Variants in SPRED1 observed in about 807,000 individuals in gnomAD.
SPRED1 encodes sprouty-related, EVH1 domain-containing protein 1.
A neutral mutation model predicts 52.3 loss-of-function variants in SPRED1; 18 were observed. That is an observed-to-expected ratio of 0.34 (90% CI 0.24 to 0.51). SPRED1 has a LOEUF of 0.51. Ranked by LOEUF, SPRED1 falls within the 20% of genes least tolerant of loss-of-function variation. The pLI is 0.97. For synonymous variants in SPRED1, 155 were observed against 179.7 expected (o/e 0.86, Z 1.10); for missense variants, 485 against 551.0 (o/e 0.88, Z 1.20).
chr15:38,330,741 GT>G (rs1276515086), intron 4 of SPRED1, among the ~76,000 whole-genome samples: 1 of 152,028 alleles, frequency 6.6e-6, no homozygotes, highest in Non-Finnish European at 1.5e-5. Context: ...TATTTTAGTA[GT>G]ATATGAGCCA....
chr15:38,267,452 A>G (rs1263306673), intron 1 of SPRED1, among the ~76,000 whole-genome samples: 3 of 152,208 alleles, frequency 2.0e-5, no homozygotes, highest in African/African-American at 7.2e-5. Flanking sequence ...GTGGTTTTTT[A>G]AAATTCTTAA....
intron 1 of SPRED1, among the ~76,000 whole-genome samples, chr15:38,266,876 C>A (rs1285253941): frequency 1.3e-5 from 2 of 152,034 alleles, no homozygotes; most frequent in Non-Finnish European, 2.9e-5. Flanking sequence ...ATAGACTCTA[C>A]TGCTTTTGAG....
At position 38,355,231 on chromosome 15, in the gene SPRED1, C is replaced by G. The variant is rs1888590715; in HGVS notation, c.*3567C>G. 2 of 152,398 alleles carry G rather than the reference C, an allele frequency of 1.3e-5. No individual in the cohort carries two copies. Among genetic ancestry groups the G allele is most frequent in the Admixed American group, 1.3e-4 (2 of 15,286 alleles). The allele number at this position is 152,398 out of a possible 1,614,324, so 9.4% of individuals were successfully genotyped here. A position where few individuals can be genotyped will look rare whatever the true frequency, so the allele number is the denominator to read the frequency against. On this transcript the variant is annotated 3_prime_UTR_variant, in exon 7 of 7. Coordinates refer to ENST00000299084, the MANE Select transcript of SPRED1 (RefSeq NM_152594.3). ...TCGGCCTCCCAAAGTGCTGGGATTA[C>G]AGGCATGAGCTACTGCGCCCAGCCG...
intron 1 of SPRED1, among the ~76,000 whole-genome samples, chr15:38,258,006 G>A (rs927478846): frequency 2.6e-5 from 4 of 152,172 alleles, no homozygotes; most frequent in Admixed American, 6.5e-5. Flanking sequence ...CTTTCAGTAG[G>A]AACAGGAACG....
At chr15:38,294,728 T>A (rs984128756) in intron 1 of SPRED1, among the ~76,000 whole-genome samples, 1 of 152,160 alleles carries the variant, frequency 6.6e-6, no homozygotes, top group African/African-American at 2.4e-5. Context: ...GTATCCAAAT[T>A]TAGGAAACTG....
At chr15:38,255,045 A>T (rs1295879418) in intron 1 of SPRED1, among the ~76,000 whole-genome samples, 4 of 152,212 alleles carry the variant, frequency 2.6e-5, no homozygotes, top group East Asian at 3.8e-4. Context: ...TGCAGCTAAT[A>T]AAAAAAGCAG....
At chr15:38,320,755 TTAAAA>T (rs1315493986) in intron 2 of SPRED1, among the ~76,000 whole-genome samples, 1 of 152,212 alleles carries the variant, frequency 6.6e-6, no homozygotes, top group East Asian at 1.9e-4. Context: ...TAGGGGATTC[TTAAAA>T]TAATTAAGGT....
At chr15:38,289,289 T>C (rs909131363) in intron 1 of SPRED1, among the ~76,000 whole-genome samples, 10 of 152,336 alleles carry the variant, frequency 6.6e-5, no homozygotes, top group Middle Eastern at 3.4e-3. Flanking sequence ...AATTACTTTT[T>C]CTGTATTTCA....
At position 38,353,634 on chromosome 15, in the gene SPRED1, A is replaced by T. The variant is rs964492959; in HGVS notation, c.*1970A>T. The T allele has an allele frequency of 1.3e-5, 2 of 152,594 alleles. No homozygotes were observed. The highest frequency in any genetic ancestry group is 4.8e-5 in the African/African-American group (2 of 41,470). 9.5% of individuals were successfully genotyped at this position (152,594 alleles called of 1,614,324 possible). On this transcript the variant is annotated 3_prime_UTR_variant, in exon 7 of 7. Transcript: ENST00000299084. Reference sequence around the variant, plus strand: ...AGTTTTCAGCTAAACTTGGTTTCCTAGAATAGACTGTTAACTTTCAAAATT... The same window carrying T: ...AGTTTTCAGCTAAACTTGGTTTCCTTGAATAGACTGTTAACTTTCAAAATT...
chr15:38,334,329 G>C (rs936523277), intron 4 of SPRED1, among the ~76,000 whole-genome samples: 3 of 152,024 alleles, frequency 2.0e-5, no homozygotes, highest in African/African-American at 7.2e-5. Flanking sequence ...GAGGTGGGGG[G>C]TGCTAATACA....
At chr15:38,347,158 T>A (rs962441739) in intron 5 of SPRED1, among the ~76,000 whole-genome samples, 3 of 152,182 alleles carry the variant, frequency 2.0e-5, no homozygotes, top group Non-Finnish European at 4.4e-5. Flanking sequence ...CTTCCTAATC[T>A]AAAAGTTTTA....
At chr15:38,327,699 A>T (rs1895732296) in intron 4 of SPRED1, among the ~76,000 whole-genome samples, 1 of 152,216 alleles carries the variant, frequency 6.6e-6, no homozygotes, top group Admixed American at 6.5e-5. Context: ...GCCACTGCTA[A>T]TATCCTGACT....
intron 5 of SPRED1, among the ~76,000 whole-genome samples, chr15:38,348,006 G>A (rs1896176618): frequency 6.6e-6 from 1 of 151,916 alleles, no homozygotes; most frequent in South Asian, 2.1e-4. Context: ...GTTGACTCAG[G>A]TAGTTTTCAA....
rs373477920 is a variant in SPRED1, at chr15:38,351,335, G to A, written c.1006G>A (p.Val336Ile). 40 of 1,614,002 alleles carry A rather than the reference G, an allele frequency of 2.5e-5. No individual in the cohort carries two copies. The highest frequency in any genetic ancestry group is 3.3e-5 in the Admixed American group (2 of 59,982). ...RKEDGERSRCVYCQERFNHEE... is the reference protein window; with the variant it reads ...RKEDGERSRCIYCQERFNHEE... The stretch of plus-strand genomic sequence containing the variant: ...AGAGGATGGTGAACGTTCTCGCTGC[G>A]TATACTGCCAGGAAAGGTTTAATCA... Residue 336 changes from valine to isoleucine, a missense_variant, in exon 7 of 7, where the codon GTA (valine) becomes ATA (isoleucine). Transcript: ENST00000299084.
At chr15:38,350,969 A>T in intron 6 of SPRED1, 45 bp from the exon 7 acceptor site, 1 of 1,574,936 alleles carries the variant, frequency 6.3e-7, no homozygotes, top group South Asian at 1.1e-5. Context: ...ACGTAAAATT[A>T]ACCATCATAG....
At chr15:38,256,163 T>C (rs1439807283) in intron 1 of SPRED1, among the ~76,000 whole-genome samples, 3 of 152,160 alleles carry the variant, frequency 2.0e-5, no homozygotes, top group Non-Finnish European at 4.4e-5. Context: ...ATTTCTTAGA[T>C]TGTTTCACAT....
chr15:38,288,820 A>C (rs548318039), intron 1 of SPRED1, among the ~76,000 whole-genome samples: 46 of 152,254 alleles, frequency 3.0e-4, no homozygotes, highest in African/African-American at 1.1e-3. Flanking sequence ...TTAGTACTCA[A>C]TATTTAGGAT....
chr15:38,328,691 T>G (rs1895755495), intron 4 of SPRED1, among the ~76,000 whole-genome samples: 1 of 152,154 alleles, frequency 6.6e-6, no homozygotes, highest in African/African-American at 2.4e-5. Context: ...TTTCTTTGAC[T>G]ATTTTAATGA....
chr15:38,278,474 C>A (rs1332341780), intron 1 of SPRED1, among the ~76,000 whole-genome samples: 1 of 152,164 alleles, frequency 6.6e-6, no homozygotes, highest in Admixed American at 6.5e-5. Flanking sequence ...CACAGAGAGA[C>A]CCTGTCTCCT....
Sources: gnomAD v4.1 joint callset for allele counts (sites outside exome capture counted in the v4.1 genomes callset) on GRCh38, gnomAD v4.1.1 for gene constraint, MANE v1.5 for transcripts, NCBI Gene and HGNC (gene_info 2026-07-23, HGNC 2026-07-21) for gene names.